Variants in KCTD8 observed in about 807,000 individuals in gnomAD.
The protein encoded by KCTD8 is BTB/POZ domain-containing protein KCTD8.
A neutral mutation model predicts 31.5 loss-of-function variants in KCTD8; 27 were observed. The ratio of observed to expected loss-of-function variants is 0.86; its 90% CI spans 0.63 to 1.18. The LOEUF (loss-of-function observed/expected upper bound fraction) is 1.18. KCTD8 is among the 50% of genes most tolerant of loss of function. The probability of loss-of-function intolerance (pLI) is 0.00; values close to 1 mark genes in which losing one functional copy is unlikely to be tolerated. For missense variants in KCTD8, 658 were observed against 647.7 expected (o/e 1.02, Z -0.17); for synonymous variants, 290 against 280.0 (o/e 1.04, Z -0.36).
intron 1 of KCTD8, among the ~76,000 whole-genome samples, chr4:44,373,294 G>A (rs948125276): frequency 6.6e-6 from 1 of 152,000 alleles, no homozygotes; most frequent in Admixed American, 6.6e-5. Flanking sequence ...CTGGGAGGCA[G>A]AGGTTGCAGT....
intron 1 of KCTD8, among the ~76,000 whole-genome samples, chr4:44,304,177 T>C (rs934609709): frequency 6.6e-6 from 1 of 152,202 alleles, no homozygotes; most frequent in East Asian, 1.9e-4. Context: ...ATTTTCCCCA[T>C]CAAAGCTTTT....
intron 1 of KCTD8, among the ~76,000 whole-genome samples, chr4:44,181,776 G>T: frequency 6.6e-6 from 1 of 150,538 alleles, no homozygotes; most frequent in East Asian, 2.0e-4. Flanking sequence ...GCCTCTTCCC[G>T]GCCGCCATCC....
intron 1 of KCTD8, among the ~76,000 whole-genome samples, chr4:44,400,420 A>T (rs1720617928): frequency 6.6e-6 from 1 of 152,056 alleles, no homozygotes; most frequent in Admixed American, 6.6e-5. Flanking sequence ...AGAGAAAAAA[A>T]AAAATAAAGA....
At chr4:44,417,245 G>T (rs891947881) in intron 1 of KCTD8, among the ~76,000 whole-genome samples, 2 of 152,110 alleles carry the variant, frequency 1.3e-5, no homozygotes, top group Non-Finnish European at 2.9e-5. Context: ...TAAAATTATT[G>T]AATGATGTCC....
chr4:44,370,725 G>A (rs1388850926), intron 1 of KCTD8, among the ~76,000 whole-genome samples: 1 of 152,068 alleles, frequency 6.6e-6, no homozygotes, highest in Non-Finnish European at 1.5e-5. Context: ...AAATCCCACA[G>A]GCCATAATTG....
Position 44,448,331 on chromosome 4 carries a change from C to T in KCTD8, c.193G>A (p.Val65Ile). 1 of 1,597,262 alleles carries T rather than the reference C, an allele frequency of 6.3e-7. No individual in the cohort carries two copies. The part of the protein sequence containing the change: ...YVTKHSTLLS[V>I]PDSTLASMFS... ...ATGCTGGCCAAAGTACTGTCCGGGA[C>T]GCTGAGCAGCGTCGAGTGCTTGGTC... The change falls in exon 1 of 2, where the codon GTC becomes ATC. Residue 65 changes from valine to isoleucine, a missense_variant. Coordinates refer to ENST00000360029, the MANE Select transcript of KCTD8 (RefSeq NM_198353.3). The surrounding 1 kb of genome is among the most constrained non-coding windows in gnomAD (Gnocchi z 4.1).
At chr4:44,384,210 T>C (rs1219636590) in intron 1 of KCTD8, among the ~76,000 whole-genome samples, 3 of 151,856 alleles carry the variant, frequency 2.0e-5, no homozygotes, top group Admixed American at 1.3e-4. Flanking sequence ...TTATACATTG[T>C]TGGTGGGAAT....
At chr4:44,238,734 G>C (rs1252736999) in intron 1 of KCTD8, among the ~76,000 whole-genome samples, 1 of 151,908 alleles carries the variant, frequency 6.6e-6, no homozygotes, top group Non-Finnish European at 1.5e-5. Flanking sequence ...CATTCTAGTG[G>C]CCTTAAGTTT....
rs201151455 is a variant in KCTD8, at chr4:44,202,922, A to T, written c.962-27672T>A. The stretch of plus-strand genomic sequence containing the variant: ...ATTAAATAGGAAAATATTAGCACAC[A>T]CATACACACAAAATCTATGACAAGT... On this transcript the variant is annotated intron_variant, in intron 1 of 1. Coordinates refer to ENST00000360029, the MANE Select transcript of KCTD8 (RefSeq NM_198353.3). Among the ~76,000 whole-genome samples, 6 of 152,306 alleles carry T rather than the reference A, an allele frequency of 3.9e-5. No individual in the cohort carries two copies. In the East Asian group the frequency reaches 1.2e-3, roughly 29 times the overall value.
Position 44,174,527 on chromosome 4 carries a change from T to G in KCTD8, c.*263A>C. 6.1e-6 allele frequency: 2 copies of G among 329,426 alleles called. No individual in the cohort carries two copies. The highest frequency in any genetic ancestry group is 1.1e-5 in the Non-Finnish European group (2 of 181,870). 20.4% of individuals were successfully genotyped at this position (329,426 alleles called of 1,614,324 possible). A position where few individuals can be genotyped will look rare whatever the true frequency, so the allele number is the denominator to read the frequency against. ...AAGATACTAAGCTTGATCATGCACA[T>G]TTTACTTTCATTCTTGTAAAATGGT... On this transcript the variant is annotated 3_prime_UTR_variant, in exon 2 of 2. Coordinates refer to ENST00000360029, the MANE Select transcript of KCTD8 (RefSeq NM_198353.3).
chr4:44,440,174 C>G (rs1472700705), intron 1 of KCTD8, among the ~76,000 whole-genome samples: 2 of 152,066 alleles, frequency 1.3e-5, no homozygotes, highest in Middle Eastern at 6.8e-3. Flanking sequence ...CTCAGGTGAT[C>G]CACCCACCTC....
chr4:44,277,993 G>T (rs141783275), intron 1 of KCTD8, among the ~76,000 whole-genome samples: 3 of 151,924 alleles, frequency 2.0e-5, no homozygotes, highest in Non-Finnish European at 2.9e-5. Context: ...TTCTCTTGTT[G>T]CCTTGCCTTC....
chr4:44,448,382 G>A lies in KCTD8; in HGVS notation c.142C>T (p.Leu48=), dbSNP rs375852249. Residue 48 remains leucine, a synonymous_variant, in exon 1 of 2, where the codon CTG becomes TTG. Transcript: ENST00000360029. The surrounding 1 kb of genome is among the most constrained non-coding windows in gnomAD (Gnocchi z 4.1). ...ACATAAACCTGGCCGCCTACGTTCA[G>A]CTCCACTACTTCAGGGAAGGGCGAG... ...APSPFPEVVE[L]NVGGQVYVTK... is the part of the protein sequence containing the mutation. 1.9e-6 allele frequency: 3 copies of A among 1,591,098 alleles called. No individual in the cohort carries two copies. The highest frequency in any genetic ancestry group is 2.7e-5 in the African/African-American group (2 of 73,774).
chr4:44,299,157 A>G (rs1717530742), intron 1 of KCTD8, among the ~76,000 whole-genome samples: 1 of 152,216 alleles, frequency 6.6e-6, no homozygotes, highest in East Asian at 1.9e-4. Context: ...AAAGTAAGAA[A>G]GATAGTATTA....
intron 1 of KCTD8, among the ~76,000 whole-genome samples, chr4:44,411,437 A>G (rs1333025885): frequency 1.3e-5 from 2 of 151,578 alleles, no homozygotes; most frequent in East Asian, 3.9e-4. Context: ...AAAGAGTTAT[A>G]TTCATATAAT....
intron 1 of KCTD8, among the ~76,000 whole-genome samples, chr4:44,273,954 T>TA (rs1210398472): frequency 6.6e-6 from 1 of 151,914 alleles, no homozygotes; most frequent in Admixed American, 6.6e-5. Flanking sequence ...CTATTTCTTT[T>TA]AAAAAATCTA....
intron 1 of KCTD8, among the ~76,000 whole-genome samples, chr4:44,348,535 C>A (rs1251364417): frequency 6.6e-6 from 1 of 152,016 alleles, no homozygotes; most frequent in African/African-American, 2.4e-5. Flanking sequence ...GATATTCATT[C>A]TAATAGTTAA....
chr4:44,244,348 C>T (rs572315457), intron 1 of KCTD8, among the ~76,000 whole-genome samples: 1 of 152,176 alleles, frequency 6.6e-6, no homozygotes, highest in South Asian at 2.1e-4. Flanking sequence ...GGCAATGATA[C>T]CCCAAAGTAT....
intron 1 of KCTD8, among the ~76,000 whole-genome samples, chr4:44,226,960 T>C (rs538989646): frequency 1.4e-3 from 209 of 152,206 alleles, no homozygotes; most frequent in Non-Finnish European, 2.4e-3. Flanking sequence ...GATGGATAGA[T>C]TGCAAACATT....
Sources: gnomAD v4.1 joint callset for allele counts (sites outside exome capture counted in the v4.1 genomes callset) on GRCh38, gnomAD v4.1.1 for gene constraint, Gnocchi (gnomAD v3.1) non-coding constraint, MANE v1.5 for transcripts, NCBI Gene and HGNC (gene_info 2026-07-23, HGNC 2026-07-21) for gene names.